The following XXYLT1 variants were observed in gnomAD, a reference collection of about 807,000 sequenced individuals.
XXYLT1 encodes UDP-xylose:alpha-xyloside alpha-1,3-xylosyltransferase.
Under a neutral mutation model 28.9 loss-of-function variants are expected in XXYLT1, and 20 were observed. That is an observed-to-expected ratio of 0.69 (90% CI 0.49 to 1.00). The LOEUF (loss-of-function observed/expected upper bound fraction) is 1.00. Among genes scored for constraint, XXYLT1 ranks in the 50% least tolerant of loss-of-function variants. The pLI is 0.00. For synonymous variants in XXYLT1, 257 were observed against 253.8 expected (o/e 1.01, Z -0.12); for missense variants, 542 against 560.1 (o/e 0.97, Z 0.33).
chr3:195,137,647 GCTCT>G (rs756272359), intron 3 of XXYLT1, among the ~76,000 whole-genome samples: 9 of 152,204 alleles, frequency 5.9e-5, no homozygotes, highest in Non-Finnish European at 1.3e-4. Context: ...ACCTCTCCGT[GCTCT>G]GTAAATACTG....
intron 2 of XXYLT1, among the ~76,000 whole-genome samples, chr3:195,192,697 T>C (rs1315763910): frequency 1.3e-5 from 2 of 152,162 alleles, no homozygotes; most frequent in East Asian, 1.9e-4. Flanking sequence ...CCTCCTAAGG[T>C]TGGGAACAAG....
intron 2 of XXYLT1, among the ~76,000 whole-genome samples, chr3:195,204,354 A>AAG (rs541967408): frequency 8.6e-5 from 13 of 151,530 alleles, no homozygotes; most frequent in South Asian, 2.1e-4. Flanking sequence ...AAAAAAAAAA[A>AAG]AGAGAGAGAG....
At chr3:195,114,108 C>A (rs1012360068) in intron 3 of XXYLT1, among the ~76,000 whole-genome samples, 4 of 152,198 alleles carry the variant, frequency 2.6e-5, no homozygotes, top group Non-Finnish European at 4.4e-5. Flanking sequence ...TGAATGCATT[C>A]CAAGATTCAA....
chr3:195,141,661 C>T (rs919338279), intron 3 of XXYLT1, among the ~76,000 whole-genome samples: 1 of 152,200 alleles, frequency 6.6e-6, no homozygotes, highest in African/African-American at 2.4e-5. Context: ...ACTCCATTAG[C>T]CTTTGAGCAA....
intron 2 of XXYLT1, among the ~76,000 whole-genome samples, chr3:195,207,146 C>T (rs1018665144): frequency 3.3e-5 from 5 of 152,208 alleles, no homozygotes; most frequent in Admixed American, 2.6e-4. Context: ...CCCGGGCAGA[C>T]TGTGGGATGG....
intron 2 of XXYLT1, among the ~76,000 whole-genome samples, chr3:195,216,420 C>A: frequency 6.7e-6 from 1 of 149,006 alleles, no homozygotes; most frequent in Non-Finnish European, 1.5e-5. Flanking sequence ...ACTAGCAAGA[C>A]TAATAAAGAA....
At chr3:195,248,943 T>C (rs1034293252) in intron 1 of XXYLT1, among the ~76,000 whole-genome samples, 1 of 152,130 alleles carries the variant, frequency 6.6e-6, no homozygotes, top group African/African-American at 2.4e-5. Flanking sequence ...CTTTTTCCTG[T>C]ATAAATTACC....
chr3:195,172,632 C>T (rs57868034), intron 2 of XXYLT1, among the ~76,000 whole-genome samples: 6,219 of 152,286 alleles, frequency 0.041, 428 homozygotes, highest in African/African-American at 0.14. Flanking sequence ...GGTCCCACTC[C>T]TGTAACTTAC....
chr3:195,212,165 A>G (rs2108780320), intron 2 of XXYLT1, among the ~76,000 whole-genome samples: 1 of 152,046 alleles, frequency 6.6e-6, no homozygotes, highest in South Asian at 2.1e-4. Context: ...GAGAGGGGGC[A>G]AGCCATGGAA....
Position 195,173,371 on chromosome 3 carries a change from C to T in XXYLT1, c.653-16790G>A, listed in dbSNP as rs1291403102. Among the ~76,000 whole-genome samples, 1 of 152,152 alleles carries T rather than the reference C, an allele frequency of 6.6e-6. No individual in the cohort carries two copies. Among genetic ancestry groups the T allele is most frequent in the Non-Finnish European group, 1.5e-5 (1 of 68,018 alleles). On this transcript the variant is annotated intron_variant, in intron 2 of 3. Coordinates refer to ENST00000310380, the MANE Select transcript of XXYLT1 (RefSeq NM_152531.5). The surrounding 1 kb of genome is among the most constrained non-coding windows in gnomAD (Gnocchi z 4.3). ...CCAGCATCTGCCTGGCCATTATGGC[C>T]TGGTTCTGCTCCTGGCCTCATTCTC...
chr3:195,097,506 T>C (rs1326049850), intron 3 of XXYLT1, among the ~76,000 whole-genome samples: 1 of 152,206 alleles, frequency 6.6e-6, no homozygotes, highest in East Asian at 1.9e-4. Flanking sequence ...TCAGCTTTCA[T>C]AAACTTATGA....
At chr3:195,194,680 G>C (rs780265356) in intron 2 of XXYLT1, among the ~76,000 whole-genome samples, 1 of 152,010 alleles carries the variant, frequency 6.6e-6, no homozygotes, top group African/African-American at 2.4e-5. Flanking sequence ...ACAAACACAC[G>C]AACAAAACGT....
At chr3:195,101,868 A>T (rs1716795169) in intron 3 of XXYLT1, among the ~76,000 whole-genome samples, 1 of 133,776 alleles carries the variant, frequency 7.5e-6, no homozygotes, top group African/African-American at 2.9e-5. Flanking sequence ...AAAGAAAGTA[A>T]GGAAACAGAA....
intron 3 of XXYLT1, among the ~76,000 whole-genome samples, chr3:195,108,601 A>G (rs4677804): frequency 0.7 from 105,824 of 152,180 alleles, 37,106 homozygotes; most frequent in Middle Eastern, 0.72. Flanking sequence ...ACAAACCTAG[A>G]TGGTATTGCC....
chr3:195,238,766 C>G (rs1354744156), intron 1 of XXYLT1, among the ~76,000 whole-genome samples: 2 of 152,224 alleles, frequency 1.3e-5, no homozygotes, highest in African/African-American at 2.4e-5. Flanking sequence ...TCAGTTTTCA[C>G]TCCTAAGCCA....
chr3:195,071,941 G>A (rs979245683), intron 3 of XXYLT1, among the ~76,000 whole-genome samples: 1 of 152,144 alleles, frequency 6.6e-6, no homozygotes, highest in African/African-American at 2.4e-5. Flanking sequence ...GAGAAGCAGG[G>A]AGGCAGGACC....
chr3:195,127,205 G>C (rs1272893255), intron 3 of XXYLT1, among the ~76,000 whole-genome samples: 2 of 152,128 alleles, frequency 1.3e-5, no homozygotes, highest in Non-Finnish European at 2.9e-5. Flanking sequence ...GCTTAAAAGA[G>C]AGGCCTTAGG....
chr3:195,118,352 A>G (rs1195946466), intron 3 of XXYLT1, among the ~76,000 whole-genome samples: 1 of 152,150 alleles, frequency 6.6e-6, no homozygotes, highest in African/African-American at 2.4e-5. Flanking sequence ...GGTCCTTCTA[A>G]TTTCCTTAGG....
At chr3:195,072,149 G>A (rs75431278) in intron 3 of XXYLT1, among the ~76,000 whole-genome samples, 4,657 of 152,194 alleles carry the variant, frequency 0.031, 242 homozygotes, top group African/African-American at 0.11. Flanking sequence ...GATGAGGAAC[G>A]ATGGAAAGGC....
Sources: allele counts gnomAD v4.1 joint callset (sites outside exome capture counted in the v4.1 genomes callset), GRCh38; gene constraint gnomAD v4.1.1; non-coding constraint Gnocchi (gnomAD v3.1); transcripts MANE v1.5; gene names NCBI Gene and HGNC (gene_info 2026-07-23, HGNC 2026-07-21).